Variants in SPINK5 observed in about 807,000 individuals in gnomAD.
SPINK5 encodes the protein serine peptidase inhibitor Kazal type 5, also known as serine protease inhibitor Kazal-type 5.
A neutral mutation model predicts 151.8 loss-of-function variants in SPINK5; 125 were observed. The observed-to-expected ratio is 0.82, with a 90% CI of 0.71 to 0.96. The LOEUF is 0.96. SPINK5 is among the 40% of genes least tolerant of loss of function. The pLI is 0.00. For synonymous variants in SPINK5, 374 were observed against 395.3 expected (o/e 0.95, Z 0.64); for missense variants, 1,194 against 1,291.9 (o/e 0.92, Z 1.16).
chr5:148,085,153 A>G (rs1056728704), intron 4 of SPINK5, among the ~76,000 whole-genome samples: 3 of 151,866 alleles, frequency 2.0e-5, no homozygotes, highest in African/African-American at 7.3e-5. Context: ...CTTTCTAAAC[A>G]TATGAATAGT....
At chr5:148,093,515 T>A (rs937447310) in intron 8 of SPINK5, among the ~76,000 whole-genome samples, 1 of 151,864 alleles carries the variant, frequency 6.6e-6, no homozygotes, top group Non-Finnish European at 1.5e-5. Context: ...TATCCACAGA[T>A]CCATAGAGAA....
At chr5:148,099,546 C>T (rs568013515) in intron 12 of SPINK5, among the ~76,000 whole-genome samples, 22 of 151,598 alleles carry the variant, frequency 1.5e-4, no homozygotes, top group Non-Finnish European at 2.8e-4. Context: ...AAACTGAGTT[C>T]TACTTCTAGT....
In SPINK5 at chr5:148,065,450, G is replaced by T. The variant is rs1752555381; in HGVS notation, c.81+78G>T. On this transcript the variant is annotated intron_variant, in intron 2 of 32. Coordinates refer to ENST00000256084, the MANE Select transcript of SPINK5 (RefSeq NM_006846.4). ...AGTGGTTTGTGGCCAACACCTTCAT[G>T]TTAATAATACAAACATATTATACTG... is the stretch of plus-strand genomic sequence containing the variant. The T allele has an allele frequency of 6.7e-6, 10 of 1,482,154 alleles. 1 individual carries two copies. In the South Asian group the frequency reaches 1.1e-4, roughly 17 times the overall value. The allele number at this position is 1,482,154 out of a possible 1,614,324, so 91.8% of individuals were successfully genotyped here.
intron 31 of SPINK5, among the ~76,000 whole-genome samples, chr5:148,132,612 C>A (rs997478980): frequency 3.9e-5 from 6 of 152,036 alleles, no homozygotes; most frequent in African/African-American, 1.2e-4. Flanking sequence ...TTTAAAGTTA[C>A]AAAGCTAGGG....
chr5:148,105,950 C>G (rs1176845723), intron 16 of SPINK5, among the ~76,000 whole-genome samples: 1 of 151,864 alleles, frequency 6.6e-6, no homozygotes. Flanking sequence ...TAACAATAGC[C>G]ACAACAGTAC....
chr5:148,069,684 A>G (rs1206070367), intron 2 of SPINK5, among the ~76,000 whole-genome samples: 4 of 152,048 alleles, frequency 2.6e-5, no homozygotes, highest in African/African-American at 9.7e-5. Context: ...CCTCTCCCAG[A>G]ACCTCGGAAG....
Position 148,118,571 on chromosome 5 carries a change from A to G in SPINK5, c.2240+7A>G, listed in dbSNP as rs1754163985. The stretch of plus-strand genomic sequence containing the variant: ...CCATGTGTAAAGCAAAATTGTAAGT[A>G]TTTCTCTCAACAGGCATGTCTAAAA... On this transcript the variant is annotated splice_region_variant and intron_variant, in intron 23 of 32. Coordinates refer to ENST00000256084, the MANE Select transcript of SPINK5 (RefSeq NM_006846.4). The G allele has an allele frequency of 6.2e-7, 1 of 1,613,892 alleles. No individual in the cohort carries two copies. The highest frequency in any genetic ancestry group is 8.5e-7 in the Non-Finnish European group (1 of 1,179,984).
intron 23 of SPINK5, 103 bp from the exon 24 acceptor site, chr5:148,118,883 T>C (rs1754173617): frequency 1.6e-6 from 2 of 1,218,276 alleles, no homozygotes; most frequent in Admixed American, 1.8e-5. Flanking sequence ...ACCAGCACAG[T>C]TGAAGAAAGC....
At chr5:148,088,898 A>G (rs981766564) in intron 6 of SPINK5, 1 of 460,128 alleles carries the variant, frequency 2.2e-6, no homozygotes, top group African/African-American at 2.0e-5. Context: ...AGGGCACAAC[A>G]CTTCAGTCAC....
intron 1 of SPINK5, 67 bp downstream of exon 1, chr5:148,064,166 C>T (rs1752515791): frequency 6.4e-7 from 1 of 1,568,694 alleles, no homozygotes; most frequent in African/African-American, 1.4e-5. Flanking sequence ...AGGGACTTTT[C>T]TCCCCCTACT....
intron 16 of SPINK5, among the ~76,000 whole-genome samples, chr5:148,106,479 G>A (rs148773469): frequency 1.3e-5 from 2 of 151,688 alleles, no homozygotes; most frequent in African/African-American, 4.8e-5. Context: ...ACACCACCAT[G>A]CCTGGCAATT....
chr5:148,091,144 A>G (rs761762750), intron 7 of SPINK5, 21 bp from the exon 8 acceptor site: 7 of 1,605,754 alleles, frequency 4.4e-6, no homozygotes, highest in African/African-American at 2.7e-5. Context: ...AAACTGACCA[A>G]CTGTTTACTT....
Position 148,094,405 on chromosome 5 carries a change from A to T in SPINK5, c.718A>T (p.Thr240Ser). Residue 240 changes from threonine (T) to serine (S), a missense_variant, in exon 9 of 33, where the codon ACA (threonine) becomes TCA (serine). Coordinates refer to ENST00000256084, the MANE Select transcript of SPINK5 (RefSeq NM_006846.4). ...KQVRNGRLFCTRESDPVRGPD... is the reference protein window; with the variant it reads ...KQVRNGRLFCSRESDPVRGPD... ...AGTGAGAAATGGAAGGCTTTTTTGT[A>T]CACGGGAGAGTGATCCAGTCCGTGG... 2 of 1,612,864 alleles carry T rather than the reference A, an allele frequency of 1.2e-6. No homozygotes were observed. Among genetic ancestry groups the T allele is most frequent in the Non-Finnish European group, 1.7e-6 (2 of 1,179,144 alleles).
Position 148,111,880 on chromosome 5 carries a change from T to C in SPINK5, c.1805T>C (p.Met602Thr). 1.9e-6 allele frequency: 3 copies of C among 1,613,984 alleles called. No homozygotes were observed. The highest frequency in any genetic ancestry group is 1.7e-6 in the Non-Finnish European group (2 of 1,179,878). Residue 602 changes from methionine to threonine, a missense_variant, in exon 19 of 33, where the codon ATG (methionine) becomes ACG (threonine). Transcript: ENST00000256084. ...DGKIHGNTCS[M>T]CEAFFQQEAK... ...AAAATCCACGGCAACACCTGCTCCA[T>C]GTGTGAAGCCTTCTTGTGAGTGGGC...
At chr5:148,078,624 G>A (rs1752943768) in intron 4 of SPINK5, among the ~76,000 whole-genome samples, 1 of 150,194 alleles carries the variant, frequency 6.7e-6, no homozygotes, top group Admixed American at 6.7e-5. Flanking sequence ...ACCCAGCAAG[G>A]AAAATGAATC....
chr5:148,114,251 C>A, intron 20 of SPINK5, 111 bp from the exon 21 acceptor site: 1 of 1,287,050 alleles, frequency 7.8e-7, no homozygotes, highest in Admixed American at 2.6e-5. Flanking sequence ...AAAAAAAATT[C>A]TCAGGTCATT....
intron 18 of SPINK5, 91 bp from the exon 19 acceptor site, chr5:148,111,677 T>A: frequency 1.9e-6 from 3 of 1,586,228 alleles, no homozygotes; most frequent in Non-Finnish European, 2.6e-6. Flanking sequence ...ATGCAATCAT[T>A]ATGTTTTAGT....
In SPINK5 at chr5:148,065,820, G is replaced by A. The variant is rs1318820943; in HGVS notation, c.81+448G>A. Among the ~76,000 whole-genome samples the A allele has an allele frequency of 2.0e-5, 3 of 152,068 alleles. No individual in the cohort carries two copies. In the East Asian group the frequency reaches 5.8e-4, roughly 29 times the overall value. ...AGTTCATGTAATGAATATTTATTGA[G>A]CATCTCTTAGATGTCAGACCCTGTT... On this transcript the variant is annotated intron_variant, in intron 2 of 32. Transcript: ENST00000256084.
At chr5:148,136,732 G>C (rs755342099) in intron 32 of SPINK5, among the ~76,000 whole-genome samples, 3 of 152,152 alleles carry the variant, frequency 2.0e-5, no homozygotes, top group Non-Finnish European at 2.9e-5. Flanking sequence ...CAGCATGAAG[G>C]CTGCATGTAA....
Sources: gnomAD v4.1 joint callset for allele counts (sites outside exome capture counted in the v4.1 genomes callset) on GRCh38, gnomAD v4.1.1 for gene constraint, MANE v1.5 for transcripts, NCBI Gene and HGNC (gene_info 2026-07-23, HGNC 2026-07-21) for gene names.